PCSK5: variants seen among roughly 807,000 people sequenced by gnomAD.
The protein encoded by PCSK5 is proprotein convertase subtilisin/kexin type 5, also known as prohormone convertase 5.
A neutral mutation model predicts 233.2 loss-of-function variants in PCSK5; 129 were observed. That is an observed-to-expected ratio of 0.55 (90% CI 0.48 to 0.64). The LOEUF (loss-of-function observed/expected upper bound fraction) is 0.64, where lower values mean the gene tolerates loss of function less well. PCSK5 is among the 30% of genes least tolerant of loss of function. PCSK5 has a pLI of 0.00. For missense variants in PCSK5, 2,076 were observed against 2,430.1 expected, an observed-to-expected ratio of 0.85 and a Z score of 3.06; for synonymous variants, 825 against 879.2, an observed-to-expected ratio of 0.94 and a Z score of 1.09.
chr9:76,232,615 A>G (rs1826127758), intron 21 of PCSK5, among the ~76,000 whole-genome samples: 1 of 152,148 alleles, frequency 6.6e-6, no homozygotes, highest in Non-Finnish European at 1.5e-5. Flanking sequence ...TCATCGATTC[A>G]TATTACCTAT....
At chr9:76,190,445 T>C (rs1284422851) in intron 20 of PCSK5, among the ~76,000 whole-genome samples, 1 of 152,126 alleles carries the variant, frequency 6.6e-6, no homozygotes, top group Non-Finnish European at 1.5e-5. Flanking sequence ...TTCTTTCCAG[T>C]TTTCACCATA....
At chr9:76,169,977 C>G in intron 13 of PCSK5, 137 bp downstream of exon 13, 2 of 674,040 alleles carry the variant, frequency 3.0e-6, no homozygotes, top group Non-Finnish European at 5.2e-6. Context: ...GAATTACCTG[C>G]ATGTATTTCA....
chr9:75,908,941 G>GTCTGTCTGTCTA (rs1412497396), intron 1 of PCSK5, among the ~76,000 whole-genome samples: 15 of 116,644 alleles, frequency 1.3e-4, no homozygotes, highest in African/African-American at 1.9e-4. Flanking sequence ...CTCTCTCTCT[G>GTCTGTCTGTCTA]TCTATCTATC....
intron 1 of PCSK5, among the ~76,000 whole-genome samples, chr9:75,908,665 A>G (rs1016379349): frequency 6.6e-6 from 1 of 152,122 alleles, no homozygotes; most frequent in African/African-American, 2.4e-5. Flanking sequence ...GGACATCCAC[A>G]TGCCCAGATC....
At chr9:76,322,925 G>T in intron 31 of PCSK5, 127 bp from the exon 32 acceptor site, 1 of 627,474 alleles carries the variant, frequency 1.6e-6, no homozygotes. Flanking sequence ...TGGCAGGGTG[G>T]GTAAAGGGCA....
chr9:75,979,939 C>T (rs1826203806), intron 2 of PCSK5, among the ~76,000 whole-genome samples: 1 of 152,144 alleles, frequency 6.6e-6, no homozygotes, highest in Non-Finnish European at 1.5e-5. Context: ...GAGTGCCTCC[C>T]ACATAGGAGC....
chr9:76,340,971 A>G (rs142574098), intron 35 of PCSK5, among the ~76,000 whole-genome samples: 192 of 151,226 alleles, frequency 1.3e-3, no homozygotes, highest in African/African-American at 4.4e-3. Flanking sequence ...TCCCACCACT[A>G]TGGAAGGCTG....
chr9:76,231,371 G>A (rs1587785177), intron 21 of PCSK5, among the ~76,000 whole-genome samples: 2 of 152,278 alleles, frequency 1.3e-5, no homozygotes, highest in African/African-American at 4.8e-5. Context: ...ATGAGATTTT[G>A]GGTGGGGACA....
intron 1 of PCSK5, among the ~76,000 whole-genome samples, chr9:75,897,508 T>TTC (rs1554702406): frequency 8.0e-5 from 12 of 149,764 alleles, no homozygotes; most frequent in South Asian, 2.1e-4. Context: ...TTTTTTTTTT[T>TTC]CCCGAAACGG....
rs766679056 is a variant in PCSK5 at position 76,233,521 on chromosome 9, C to A, written c.2791C>A (p.Gln931Lys). ...CTCATGGAAATTTGAATTTGAGAAC[C>A]AATGCCATCCATGCCACCACACCTG... ...CPSWKFEFEN[Q>K]CHPCHHTCQR... The change falls in exon 22 of 38, where the codon CAA (glutamine) becomes AAA (lysine). Residue 931 changes from glutamine to lysine, a missense_variant. Transcript: ENST00000674117. The A allele has an allele frequency of 1.9e-6, 3 of 1,612,440 alleles. No individual in the cohort carries two copies. Among genetic ancestry groups the A allele is most frequent in the Non-Finnish European group, 2.5e-6 (3 of 1,179,722 alleles).
At chr9:76,102,274 C>A (rs1831793991) in intron 8 of PCSK5, among the ~76,000 whole-genome samples, 1 of 152,158 alleles carries the variant, frequency 6.6e-6, no homozygotes, top group South Asian at 2.1e-4. Context: ...AGTTACTTAA[C>A]CCCTCTGAGC....
chr9:76,172,032 T>A (rs535080226), intron 13 of PCSK5, among the ~76,000 whole-genome samples: 6 of 152,256 alleles, frequency 3.9e-5, no homozygotes, highest in African/African-American at 1.4e-4. Context: ...AAGGGTTACA[T>A]CAGTAAGCGA....
chr9:76,304,106 A>G lies in PCSK5; in HGVS notation c.3604+1889A>G, dbSNP rs558895086. Among the ~76,000 whole-genome samples the G allele has an allele frequency of 4.8e-4, 73 of 152,266 alleles. 1 individual carries two copies. The highest frequency in any genetic ancestry group is 1.5e-3 in the African/African-American group (64 of 41,566). Reference sequence around the variant, plus strand: ...AGAATCGCTTGAACCTGGGAGGTGAAGGTTGCAGTGAGCCAAGATTGCACC... The same window carrying G: ...AGAATCGCTTGAACCTGGGAGGTGAGGGTTGCAGTGAGCCAAGATTGCACC... On this transcript the variant is annotated intron_variant, in intron 28 of 37. Transcript: ENST00000674117.
chr9:75,986,293 G>A (rs760629318), intron 3 of PCSK5, 48 bp downstream of exon 3: 9 of 1,072,592 alleles, frequency 8.4e-6, no homozygotes, highest in Non-Finnish European at 1.3e-5. Flanking sequence ...ATCCGGTTTT[G>A]TGTTGTATGC....
chr9:76,053,033 G>A (rs1026293753), intron 5 of PCSK5, among the ~76,000 whole-genome samples: 2 of 152,208 alleles, frequency 1.3e-5, no homozygotes, highest in Non-Finnish European at 2.9e-5. Flanking sequence ...GGCTCCCATG[G>A]CATTGGACAG....
intron 33 of PCSK5, among the ~76,000 whole-genome samples, chr9:76,328,699 A>AT (rs1453407978): frequency 2.0e-5 from 3 of 152,246 alleles, no homozygotes; most frequent in African/African-American, 7.2e-5. Context: ...ACTCTAATAA[A>AT]TTGTACATTC....
chr9:76,301,806 C>T (rs527646185), intron 27 of PCSK5, among the ~76,000 whole-genome samples: 59 of 152,026 alleles, frequency 3.9e-4, no homozygotes, highest in East Asian at 2.7e-3. Context: ...ATGGCGCCAC[C>T]GCACTCTGGC....
intron 12 of PCSK5, among the ~76,000 whole-genome samples, 153 bp from the exon 13 acceptor site, chr9:76,169,551 A>G (rs41288751): frequency 0.15 from 23,511 of 152,056 alleles, 1,971 homozygotes; most frequent in Middle Eastern, 0.22. Flanking sequence ...GTATATATAT[A>G]TATCTGCAAA....
At chr9:76,012,300 A>G (rs1827760380) in intron 3 of PCSK5, among the ~76,000 whole-genome samples, 1 of 152,200 alleles carries the variant, frequency 6.6e-6, no homozygotes, top group Non-Finnish European at 1.5e-5. Flanking sequence ...TAATAACTAA[A>G]TCGTACACAT....
Sources: allele counts gnomAD v4.1 joint callset (sites outside exome capture counted in the v4.1 genomes callset), GRCh38; gene constraint gnomAD v4.1.1; transcripts MANE v1.5; gene names NCBI Gene and HGNC (gene_info 2026-07-23, HGNC 2026-07-21).